The following USP33 variants were observed in gnomAD, a reference collection of about 807,000 sequenced individuals.
The protein encoded by USP33 is ubiquitin specific peptidase 33, also known as ubiquitin carboxyl-terminal hydrolase 33.
A neutral mutation model predicts 124.2 loss-of-function variants in USP33; 46 were observed. The ratio of observed to expected loss-of-function variants is 0.37; its 90% CI spans 0.29 to 0.47. The LOEUF (loss-of-function observed/expected upper bound fraction) is 0.47. Among genes scored for constraint, USP33 ranks in the 20% least tolerant of loss-of-function variants. USP33 has a pLI of 0.99. For missense variants in USP33, 851 were observed against 1,070.6 expected (o/e 0.79, Z 2.86); for synonymous variants, 350 against 352.3 (o/e 0.99, Z 0.07).
intron 1 of USP33, among the ~76,000 whole-genome samples, chr1:77,744,604 G>A (rs770988332): frequency 2.0e-5 from 3 of 152,186 alleles, no homozygotes; most frequent in Non-Finnish European, 4.4e-5. Context: ...AGCACTTCGG[G>A]AGGCCAAGGC....
intron 5 of USP33, 61 bp from the exon 6 acceptor site, chr1:77,736,219 T>C (rs995987382): frequency 2.0e-5 from 22 of 1,127,432 alleles, no homozygotes; most frequent in Admixed American, 4.4e-5. Context: ...AAAGTTTTAA[T>C]TGTAACTTAT....
At chr1:77,697,545 C>T in intron 23 of USP33, 71 bp from the exon 24 acceptor site, 1 of 1,473,760 alleles carries the variant, frequency 6.8e-7, no homozygotes, top group South Asian at 1.4e-5. Context: ...TCATAATGTA[C>T]CCCCCAGCAT....
At chr1:77,725,828 T>C in intron 10 of USP33, 66 bp from the exon 11 acceptor site, 1 of 1,368,488 alleles carries the variant, frequency 7.3e-7, no homozygotes, top group South Asian at 1.5e-5. Flanking sequence ...CCAATAATGT[T>C]AAAGGTTTCT....
intron 22 of USP33, among the ~76,000 whole-genome samples, chr1:77,698,744 C>A (rs570398050): frequency 7.2e-5 from 11 of 151,990 alleles, no homozygotes; most frequent in Admixed American, 1.3e-4. Flanking sequence ...TCGTGATCCA[C>A]CCCCCTCGGC....
intron 21 of USP33, among the ~76,000 whole-genome samples, chr1:77,705,175 T>C (rs1329902780): frequency 2.0e-5 from 3 of 151,234 alleles, no homozygotes; most frequent in African/African-American, 7.3e-5. Context: ...TATAGAATAA[T>C]AATAGGTTTG....
chr1:77,697,872 G>GC lies in USP33; in HGVS notation c.2568dup (p.Leu857AlafsTer2). On this transcript the variant is annotated frameshift_variant, in exon 23 of 24. Coordinates refer to ENST00000370794, the MANE Select transcript of USP33 (RefSeq NM_201624.3). LOFTEE classifies it high-confidence loss of function. ...TACGAGTCAAACTTACCTTGCCTAA[G>GC]CATCACATTACCACATTTAGTGACT... 6.2e-7 allele frequency: 1 copy of GC among 1,609,394 alleles called. No individual in the cohort carries two copies. Among genetic ancestry groups the GC allele is most frequent in the Non-Finnish European group, 8.5e-7 (1 of 1,178,546 alleles).
At position 77,725,668 on chromosome 1, in the gene USP33, A is replaced by G. The variant is rs150199946; in HGVS notation, c.1230T>C (p.Pro410=). 1.6e-4 allele frequency: 266 copies of G among 1,614,100 alleles called. 1 individual carries two copies. In the Middle Eastern group the frequency reaches 2.1e-3, roughly 13 times the overall value. The change falls in exon 11 of 24, where the codon CCT becomes CCC. Residue 410 remains proline, a synonymous_variant. Transcript: ENST00000370794. The part of the protein sequence containing the change: ...GVNPRLSASP[P]KSGNLWPGLA... ...ATCCTGGCCACAAATTGCCTGATTT[A>G]GGAGGGCTTGCCGATAAACGTGGAT...
intron 7 of USP33, among the ~76,000 whole-genome samples, chr1:77,732,295 C>T (rs1677914271): frequency 6.6e-6 from 1 of 152,048 alleles, no homozygotes; most frequent in Non-Finnish European, 1.5e-5. Flanking sequence ...TCTAGTTACT[C>T]TACCCACATC....
Position 77,697,271 on chromosome 1 carries a change from G to C in USP33, c.*46C>G. 1 of 1,510,934 alleles carries C rather than the reference G, an allele frequency of 6.6e-7. No homozygotes were observed. The highest frequency in any genetic ancestry group is 8.9e-7 in the Non-Finnish European group (1 of 1,121,560). 93.6% of individuals were successfully genotyped at this position (1,510,934 alleles called of 1,614,324 possible). ...ATGTTTTCGCATGTGTACATGTCAG[G>C]GCACATGAAAATGATTCCTCATTAG... On this transcript the variant is annotated 3_prime_UTR_variant, in exon 24 of 24. Transcript: ENST00000370794.
intron 14 of USP33, 56 bp from the exon 15 acceptor site, chr1:77,721,261 T>C: frequency 1.3e-6 from 2 of 1,597,612 alleles, no homozygotes; most frequent in Non-Finnish European, 1.7e-6. Context: ...TTGCTTATTA[T>C]GGTCCTGTAA....
intron 20 of USP33, 152 bp from the exon 21 acceptor site, chr1:77,712,007 T>C: frequency 1.4e-6 from 1 of 731,140 alleles, no homozygotes; most frequent in Admixed American, 3.5e-5. Flanking sequence ...TGTTATTATG[T>C]TTATTAAGGT....
chr1:77,713,557 C>CTTTTTTTT (rs1192112747), intron 19 of USP33: 51 of 145,448 alleles, frequency 3.5e-4, no homozygotes, highest in Admixed American at 5.4e-4. Context: ...GCTAACTTTT[C>CTTTTTTTT]TTTTTTTTTT....
chr1:77,704,338 G>C (rs190400733), intron 21 of USP33, among the ~76,000 whole-genome samples: 1 of 152,284 alleles, frequency 6.6e-6, no homozygotes, highest in Admixed American at 6.5e-5. Flanking sequence ...AGAGAACTGA[G>C]AGTTCTAAAA....
rs779757856 is a variant in USP33 at position 77,727,989 on chromosome 1, G to A, written c.1135+306C>T. 3.9e-5 allele frequency among the ~76,000 whole-genome samples: 6 copies of A among 152,066 alleles called. No homozygotes were observed. In the South Asian group the frequency reaches 6.2e-4, roughly 16 times the overall value. ...GGGTTATTTGCTTTTTTCCAGGATCGCAACATAATTTGCTTAAAATAAAAG... is the reference window on the plus strand; with the variant it reads ...GGGTTATTTGCTTTTTTCCAGGATCACAACATAATTTGCTTAAAATAAAAG... On this transcript the variant is annotated intron_variant, in intron 10 of 23. Transcript: ENST00000370794.
At chr1:77,733,662 G>A (rs1678102299) in intron 7 of USP33, among the ~76,000 whole-genome samples, 1 of 152,104 alleles carries the variant, frequency 6.6e-6, no homozygotes. Context: ...ATGCTCATTG[G>A]AGCATTTCAA....
At chr1:77,743,622 A>C (rs1679386217) in intron 1 of USP33, among the ~76,000 whole-genome samples, 2 of 152,136 alleles carry the variant, frequency 1.3e-5, no homozygotes, top group South Asian at 4.1e-4. Flanking sequence ...CTACAGGTGC[A>C]CGCCATGTGA....
chr1:77,743,419 T>C (rs1019652481), intron 1 of USP33, among the ~76,000 whole-genome samples: 2 of 152,158 alleles, frequency 1.3e-5, no homozygotes, highest in African/African-American at 4.8e-5. Context: ...ATCAATTCAC[T>C]ATTACGCTGC....
chr1:77,702,747 C>T (rs1182506044), intron 21 of USP33, among the ~76,000 whole-genome samples: 1 of 151,822 alleles, frequency 6.6e-6, no homozygotes, highest in Non-Finnish European at 1.5e-5. Flanking sequence ...AATTTTTATT[C>T]TTAGTAAATT....
At chr1:77,753,443 A>ATAATT (rs1489721130) in intron 1 of USP33, among the ~76,000 whole-genome samples, 1 of 152,164 alleles carries the variant, frequency 6.6e-6, no homozygotes, top group Non-Finnish European at 1.5e-5. Flanking sequence ...AAAAAAAATA[A>ATAATT]TAATTTTTTA....
Sources: gnomAD v4.1 joint callset for allele counts (sites outside exome capture counted in the v4.1 genomes callset) on GRCh38, gnomAD v4.1.1 for gene constraint, MANE v1.5 for transcripts, NCBI Gene and HGNC (gene_info 2026-07-23, HGNC 2026-07-21) for gene names.